TNIK: variants seen among roughly 807,000 people sequenced by gnomAD.
The protein encoded by TNIK is TRAF2 and NCK-interacting protein kinase.
In TNIK, 49 loss-of-function variants were observed where a neutral mutation model predicts 191.3. The observed-to-expected ratio is 0.26, with a 90% CI of 0.20 to 0.32. The LOEUF (loss-of-function observed/expected upper bound fraction) is 0.32. TNIK is among the 10% of genes least tolerant of loss of function. The pLI, the probability that TNIK is intolerant of heterozygous loss-of-function variation, is 1.00. For missense variants in TNIK, 1,155 were observed against 1,702.3 expected (o/e 0.68, Z 5.66); for synonymous variants, 594 against 600.9 (o/e 0.99, Z 0.17).
chr3:171,151,098 A>C (rs1404932195), intron 12 of TNIK, among the ~76,000 whole-genome samples: 1 of 152,254 alleles, frequency 6.6e-6, no homozygotes, highest in East Asian at 1.9e-4. Context: ...GCAATCATGA[A>C]AAGTAAATAT....
chr3:171,110,855 C>T lies in TNIK; in HGVS notation c.2143G>A (p.Glu715Lys), dbSNP rs536847753. Residue 715 changes from glutamate (E) to lysine (K), a missense_variant, in exon 19 of 33, where the codon GAG (glutamate) becomes AAG (lysine). Glu to Lys is a moderately conservative substitution (Grantham distance 56). Transcript: ENST00000436636. Reference protein sequence around the residue: ...RASNPDLRRTEPILESPLQRT... With the variant: ...RASNPDLRRTKPILESPLQRT... The stretch of plus-strand genomic sequence containing the variant: ...TGCAAGGGGCTCTCCAAGATGGGCT[C>T]AGTTCTCCGGAGATCAGGGTTGCTG... 1.2e-6 allele frequency: 2 copies of T among 1,604,328 alleles called. No homozygotes were observed. Among genetic ancestry groups the T allele is most frequent in the South Asian group, 1.1e-5 (1 of 88,292 alleles).
chr3:171,239,014 C>A (rs1744638118), intron 2 of TNIK, among the ~76,000 whole-genome samples: 1 of 152,140 alleles, frequency 6.6e-6, no homozygotes, highest in Non-Finnish European at 1.5e-5. Flanking sequence ...TTTAAAAAAC[C>A]TAATGAAGTA....
Position 171,113,700 on chromosome 3 carries a change from C to CATATATTTATTCCCACCAAA in TNIK, c.2121-2843_2121-2824dup, listed in dbSNP as rs1360337139. ...ATATATATATTACTGTATTTGTCTT[C>CATATATTTATTCCCACCAAA]ATATATTTATTCCCACCAAAAAAAG... On this transcript the variant is annotated intron_variant, in intron 18 of 32. Coordinates refer to ENST00000436636, the MANE Select transcript of TNIK (RefSeq NM_015028.4). 1.1e-4 allele frequency among the ~76,000 whole-genome samples: 16 copies of CATATATTTATTCCCACCAAA among 151,418 alleles called. 1 individual carries two copies. The highest frequency in any genetic ancestry group is 2.1e-4 in the South Asian group (1 of 4,812).
intron 19 of TNIK, among the ~76,000 whole-genome samples, chr3:171,109,349 A>T (rs980714717): frequency 6.6e-6 from 1 of 152,222 alleles, no homozygotes; most frequent in Non-Finnish European, 1.5e-5. Context: ...AAGGAAATTT[A>T]TATTTCGATC....
At position 171,316,083 on chromosome 3, in the gene TNIK, C is replaced by T. The variant is rs140971218; in HGVS notation, c.123+53537G>A. On this transcript the variant is annotated intron_variant, in intron 2 of 32. Coordinates refer to ENST00000436636, the MANE Select transcript of TNIK (RefSeq NM_015028.4). ...CCATAAATCTGTCTTCCCCGCTCTT[C>T]CCATAGCTGCAGTTTTAGCTTTGTG... 5.3e-3 allele frequency among the ~76,000 whole-genome samples: 800 copies of T among 152,238 alleles called. 8 individuals carry two copies. The highest frequency in any genetic ancestry group is 8.3e-3 in the Non-Finnish European group (565 of 68,016).
intron 2 of TNIK, among the ~76,000 whole-genome samples, chr3:171,321,074 T>A (rs1020093148): frequency 1.3e-5 from 2 of 152,082 alleles, no homozygotes; most frequent in African/African-American, 2.4e-5. Context: ...GGGGAAAAAA[T>A]AATTTTTAAA....
chr3:171,455,645 G>A (rs1282298520), intron 1 of TNIK, among the ~76,000 whole-genome samples: 1 of 152,198 alleles, frequency 6.6e-6, no homozygotes, highest in African/African-American at 2.4e-5. Context: ...GTACAGTGCT[G>A]TATGGTTTTT....
rs71634497 is a variant in TNIK at position 171,327,900 on chromosome 3, T to TAAAAAA, written c.123+41714_123+41719dup. Among the ~76,000 whole-genome samples the TAAAAAA allele has an allele frequency of 1.2e-3, 93 of 79,614 alleles. 2 individuals are homozygous for TAAAAAA. The highest frequency in any genetic ancestry group is 2.8e-3 in the African/African-American group (68 of 24,444). The allele number at this position is 79,614 out of a possible 152,430, so 52.2% of individuals were successfully genotyped here. On this transcript the variant is annotated intron_variant, in intron 2 of 32. Coordinates refer to ENST00000436636, the MANE Select transcript of TNIK (RefSeq NM_015028.4). The stretch of plus-strand genomic sequence containing the variant: ...ATCTGTGGCTCCCAAACCTGGCTCA[T>TAAAAAA]AAAAAAAAAAAAAAAAAAAAAAAAA...
chr3:171,089,698 A>G (rs1171054636), intron 23 of TNIK, among the ~76,000 whole-genome samples: 3 of 152,212 alleles, frequency 2.0e-5, no homozygotes, highest in Admixed American at 2.0e-4. Flanking sequence ...ACTGTACTGG[A>G]AACACAAAGA....
At chr3:171,103,990 AATTTTGCTTTT>A (rs1459492153) in intron 21 of TNIK, among the ~76,000 whole-genome samples, 5 of 152,074 alleles carry the variant, frequency 3.3e-5, no homozygotes, top group Non-Finnish European at 7.4e-5. Flanking sequence ...ACTGCTTAAT[AATTTTGCTTTT>A]AATTAGAATT....
chr3:171,397,122 G>T lies in TNIK; in HGVS notation c.58-27437C>A, dbSNP rs140366678. Among the ~76,000 whole-genome samples, 175 of 152,302 alleles carry T rather than the reference G, an allele frequency of 1.1e-3. 2 individuals are homozygous for T. Among genetic ancestry groups the T allele is most frequent in the Admixed American group, 9.8e-3 (150 of 15,286 alleles). ...TTCATCTGAAAGCCTCTGAAATGTGGCATCTGGAAAATCTATTCACACCCT... is the reference window on the plus strand; with the variant it reads ...TTCATCTGAAAGCCTCTGAAATGTGTCATCTGGAAAATCTATTCACACCCT... On this transcript the variant is annotated intron_variant, in intron 1 of 32. Transcript: ENST00000436636.
intron 1 of TNIK, among the ~76,000 whole-genome samples, chr3:171,406,063 A>G (rs1721629324): frequency 6.6e-6 from 1 of 152,204 alleles, no homozygotes; most frequent in Non-Finnish European, 1.5e-5. Context: ...CAATGGTACA[A>G]TATAGGTAGG....
intron 2 of TNIK, among the ~76,000 whole-genome samples, chr3:171,344,765 T>G (rs183658803): frequency 1.5e-4 from 23 of 152,148 alleles, no homozygotes; most frequent in Non-Finnish European, 2.8e-4. Flanking sequence ...CTTGAAACGA[T>G]CCCCATTTAA....
At chr3:171,282,357 T>TTTTTTTTTTTTTTTTTTTTTTTTTTTTG (rs1750556105) in intron 2 of TNIK, among the ~76,000 whole-genome samples, 1 of 141,160 alleles carries the variant, frequency 7.1e-6, no homozygotes, top group African/African-American at 2.6e-5. Flanking sequence ...TTTTTTTTTT[T>TTTTTTTTTTTTTTTTTTTTTTTTTTTTG]TGAGATGGAG....
At chr3:171,178,247 G>T (rs571247586) in intron 7 of TNIK, among the ~76,000 whole-genome samples, 9 of 152,128 alleles carry the variant, frequency 5.9e-5, no homozygotes, top group Admixed American at 2.0e-4. Context: ...TATTCAATTG[G>T]TTTAACTAGA....
chr3:171,124,079 T>A lies in TNIK; in HGVS notation c.2014-377A>T, dbSNP rs537795318. Among the ~76,000 whole-genome samples, 5 of 152,308 alleles carry A rather than the reference T, an allele frequency of 3.3e-5. No individual in the cohort carries two copies. In the East Asian group the frequency reaches 9.6e-4, roughly 29 times the overall value. On this transcript the variant is annotated intron_variant, in intron 17 of 32. Transcript: ENST00000436636. The stretch of plus-strand genomic sequence containing the variant: ...TATCATTAACTCATTGGAAGTTGCA[T>A]CAGCTGAGAGCCACCCAGATGAAGC...
At chr3:171,388,694 A>T (rs564899792) in intron 1 of TNIK, among the ~76,000 whole-genome samples, 1 of 152,258 alleles carries the variant, frequency 6.6e-6, no homozygotes, top group South Asian at 2.1e-4. Context: ...TTAAAAACTG[A>T]TTTCCATCTT....
At chr3:171,084,123 TAA>T (rs371989911) in intron 26 of TNIK, 30 bp downstream of exon 26, 72,971 of 1,317,310 alleles carry the variant, frequency 0.055, no homozygotes, top group South Asian at 0.083. Context: ...AGTGGTTATT[TAA>T]AAAAAAAAAA....
In TNIK at chr3:171,115,780, G is replaced by A. The variant is rs528118378; in HGVS notation, c.2121-4903C>T. 3.3e-5 allele frequency among the ~76,000 whole-genome samples: 5 copies of A among 152,302 alleles called. No homozygotes were observed. The East Asian group carries it at 7.7e-4, about 24-fold the overall frequency. On this transcript the variant is annotated intron_variant, in intron 18 of 32. Transcript: ENST00000436636. ...TGTACCTCCCACAGTACACGTGAAC[G>A]ACTGACCAGGAGAGAGGCAGGCAGA...
Sources: gnomAD v4.1 joint callset for allele counts (sites outside exome capture counted in the v4.1 genomes callset) on GRCh38, gnomAD v4.1.1 for gene constraint, MANE v1.5 for transcripts, NCBI Gene and HGNC (gene_info 2026-07-23, HGNC 2026-07-21) for gene names.